The following CDKAL1 variants were observed in gnomAD, a reference collection of about 807,000 sequenced individuals.
The protein encoded by CDKAL1 is threonylcarbamoyladenosine tRNA methylthiotransferase.
In CDKAL1, 32 loss-of-function variants were observed where a neutral mutation model predicts 68.2. The observed-to-expected ratio is 0.47, with a 90% CI of 0.35 to 0.63. The LOEUF is 0.63. Ranked by LOEUF, CDKAL1 falls within the 30% of genes least tolerant of loss-of-function variation. CDKAL1 has a pLI of 0.00. For synonymous variants in CDKAL1, 234 were observed against 244.3 expected, an observed-to-expected ratio of 0.96 and a Z score of 0.39; for missense variants, 606 against 696.7, an observed-to-expected ratio of 0.87 and a Z score of 1.47.
chr6:20,628,664 A>G (rs1018755437), intron 4 of CDKAL1, among the ~76,000 whole-genome samples: 31 of 3,044 alleles, frequency 0.01, no homozygotes, highest in Admixed American at 6.8e-3. Context: ...ACTTTCAGGG[A>G]AAAAAAAAAT....
intron 8 of CDKAL1, among the ~76,000 whole-genome samples, chr6:20,791,962 T>C (rs1370566515): frequency 1.6e-4 from 25 of 151,688 alleles, no homozygotes; most frequent in Admixed American, 1.4e-3. Context: ...AAAACTTGTT[T>C]TCCAGCCCTA....
intron 8 of CDKAL1, among the ~76,000 whole-genome samples, chr6:20,810,785 A>C (rs1776782792): frequency 6.6e-6 from 1 of 152,082 alleles, no homozygotes; most frequent in African/African-American, 2.4e-5. Flanking sequence ...TAATATCATT[A>C]AACATCTAGT....
chr6:20,972,688 T>C (rs908814121), intron 10 of CDKAL1, among the ~76,000 whole-genome samples: 1 of 152,172 alleles, frequency 6.6e-6, no homozygotes, highest in African/African-American at 2.4e-5. Context: ...CTTGGAATTA[T>C]GAAGCTTATG....
At position 20,601,724 on chromosome 6, in the gene CDKAL1, G is replaced by A. The variant is rs909691274; in HGVS notation, c.287-47569G>A. Among the ~76,000 whole-genome samples the A allele has an allele frequency of 2.0e-5, 3 of 152,260 alleles. No individual in the cohort carries two copies. In the East Asian group the frequency reaches 5.8e-4, roughly 29 times the overall value. On this transcript the variant is annotated intron_variant, in intron 4 of 15. Transcript: ENST00000274695. Reference sequence around the variant, plus strand: ...AGAATTGCAGATGAGAAAAGAATTTGCAATATTTAACTCAAATTTGTTTTA... The same window carrying A: ...AGAATTGCAGATGAGAAAAGAATTTACAATATTTAACTCAAATTTGTTTTA...
chr6:20,674,877 G>C (rs1417761829), intron 5 of CDKAL1, among the ~76,000 whole-genome samples: 1 of 152,170 alleles, frequency 6.6e-6, no homozygotes, highest in Non-Finnish European at 1.5e-5. Flanking sequence ...ACTCATCCAT[G>C]TATGCCTAAT....
At chr6:20,862,582 C>T (rs1318461107) in intron 9 of CDKAL1, among the ~76,000 whole-genome samples, 1 of 152,164 alleles carries the variant, frequency 6.6e-6, no homozygotes. Flanking sequence ...AAAAATAAGT[C>T]ACCACCTAAG....
At chr6:20,921,203 G>A in intron 9 of CDKAL1, among the ~76,000 whole-genome samples, 1 of 152,152 alleles carries the variant, frequency 6.6e-6, no homozygotes, top group East Asian at 1.9e-4. Context: ...GGCCGAGGTG[G>A]GCGGATCACG....
intron 13 of CDKAL1, among the ~76,000 whole-genome samples, chr6:21,116,154 T>C (rs1774398728): frequency 6.6e-6 from 1 of 152,212 alleles, no homozygotes; most frequent in Non-Finnish European, 1.5e-5. Context: ...ATTCTAAAAA[T>C]TAAGCATGAT....
rs560643216 is a variant in CDKAL1, at chr6:20,725,138, T to A, written c.372-14381T>A. ...TGGAGTTTCCTCCCCACCCCCGCCT[T>A]TTTCTTTTCTCTCTTTCTCCCCTTG... On this transcript the variant is annotated intron_variant, in intron 5 of 15. Coordinates refer to ENST00000274695, the MANE Select transcript of CDKAL1 (RefSeq NM_017774.3). 2.6e-5 allele frequency among the ~76,000 whole-genome samples: 4 copies of A among 151,828 alleles called. No individual in the cohort carries two copies. In the East Asian group the frequency reaches 7.8e-4, roughly 30 times the overall value.
At chr6:20,716,620 G>T (rs895907706) in intron 5 of CDKAL1, among the ~76,000 whole-genome samples, 1 of 151,816 alleles carries the variant, frequency 6.6e-6, no homozygotes, top group Non-Finnish European at 1.5e-5. Context: ...GCATATGTTG[G>T]TACCATTTAT....
intron 13 of CDKAL1, among the ~76,000 whole-genome samples, chr6:21,135,328 G>C (rs559149950): frequency 6.6e-6 from 1 of 152,244 alleles, no homozygotes; most frequent in Non-Finnish European, 1.5e-5. Flanking sequence ...AGGGTCACAT[G>C]AGATAATGCA....
intron 12 of CDKAL1, among the ~76,000 whole-genome samples, chr6:21,067,172 G>A (rs1771501036): frequency 6.6e-6 from 1 of 151,988 alleles, no homozygotes; most frequent in South Asian, 2.1e-4. Context: ...GTACCACACA[G>A]GTCCCTGTCA....
chr6:20,537,566 A>T (rs1463051259), intron 2 of CDKAL1, among the ~76,000 whole-genome samples: 5 of 149,688 alleles, frequency 3.3e-5, no homozygotes, highest in African/African-American at 1.2e-4. Context: ...AGATCGTGCC[A>T]TTGCACTCCA....
intron 10 of CDKAL1, among the ~76,000 whole-genome samples, chr6:20,990,344 T>C (rs1357731623): frequency 6.6e-6 from 1 of 152,246 alleles, no homozygotes; most frequent in Non-Finnish European, 1.5e-5. Context: ...ATCATTGGTT[T>C]CAAGATGTGT....
In CDKAL1 at chr6:20,875,300, C is replaced by T. The variant is rs866934684; in HGVS notation, c.742+29122C>T. On this transcript the variant is annotated intron_variant, in intron 9 of 15. Coordinates refer to ENST00000274695, the MANE Select transcript of CDKAL1 (RefSeq NM_017774.3). ...CGGCCTGGGCGACAGAGCGAGACTCCGTCTCAAAAAAAAAAAAAAAAAAAA... is the reference window on the plus strand; with the variant it reads ...CGGCCTGGGCGACAGAGCGAGACTCTGTCTCAAAAAAAAAAAAAAAAAAAA... 1.8e-3 allele frequency among the ~76,000 whole-genome samples: 173 copies of T among 98,044 alleles called. 1 individual carries two copies. Among genetic ancestry groups the T allele is most frequent in the Admixed American group, 2.7e-3 (24 of 8,990 alleles). The allele number at this position is 98,044 out of a possible 152,430, so 64.3% of individuals were successfully genotyped here. A position where few individuals can be genotyped will look rare whatever the true frequency, so the allele number is the denominator to read the frequency against.
At chr6:20,632,209 T>C (rs1767703588) in intron 4 of CDKAL1, among the ~76,000 whole-genome samples, 1 of 152,180 alleles carries the variant, frequency 6.6e-6, no homozygotes, top group East Asian at 1.9e-4. Context: ...AATTAGCCTA[T>C]AATTGGGCAA....
intron 15 of CDKAL1, among the ~76,000 whole-genome samples, 197 bp from the exon 16 acceptor site, chr6:21,230,651 C>T (rs555448997): frequency 6.6e-6 from 1 of 152,086 alleles, no homozygotes; most frequent in African/African-American, 2.4e-5. Flanking sequence ...TGAACTTGGC[C>T]TGGCCCTTCA....
chr6:21,167,192 G>T (rs768029026), intron 13 of CDKAL1, among the ~76,000 whole-genome samples: 25 of 152,142 alleles, frequency 1.6e-4, no homozygotes, highest in Non-Finnish European at 7.4e-5. Flanking sequence ...ACAAATGTGC[G>T]CTTAGTTTCA....
At chr6:20,535,682 T>A (rs1763139714) in intron 2 of CDKAL1, among the ~76,000 whole-genome samples, 1 of 152,186 alleles carries the variant, frequency 6.6e-6, no homozygotes, top group Non-Finnish European at 1.5e-5. Flanking sequence ...TTGGAATCCA[T>A]TATAAGCTGA....
Sources: gnomAD v4.1 joint callset for allele counts (sites outside exome capture counted in the v4.1 genomes callset) on GRCh38, gnomAD v4.1.1 for gene constraint, MANE v1.5 for transcripts, NCBI Gene and HGNC (gene_info 2026-07-23, HGNC 2026-07-21) for gene names.